The following KCNH2 variants were observed in gnomAD, a reference collection of about 807,000 sequenced individuals.
KCNH2 encodes the protein voltage-gated inwardly rectifying potassium channel KCNH2.
A neutral mutation model predicts 95.9 loss-of-function variants in KCNH2; 35 were observed. The observed-to-expected ratio is 0.37, with a 90% confidence interval of 0.28 to 0.48. KCNH2 has a LOEUF of 0.48. Among genes scored for constraint, KCNH2 ranks in the 20% least tolerant of loss-of-function variants. KCNH2 has a pLI of 0.99. For synonymous variants in KCNH2, 786 were observed against 754.7 expected, an observed-to-expected ratio of 1.04 and a Z score of -0.68; for missense variants, 1,274 against 1,702.9, an observed-to-expected ratio of 0.75 and a Z score of 4.43.
rs2116920586 is a variant in KCNH2, at chr7:150,946,111, G to C, written c.3331-597C>G. Among the ~76,000 whole-genome samples the C allele has an allele frequency of 6.6e-6, 1 of 152,270 alleles. No homozygotes were observed. The highest frequency in any genetic ancestry group is 2.1e-4 in the South Asian group (1 of 4,828). On this transcript the variant is annotated intron_variant, in intron 14 of 14. Coordinates refer to ENST00000262186, the MANE Select transcript of KCNH2 (RefSeq NM_000238.4). This position sits in a 1 kb window ranked among gnomAD's most constrained non-coding sequence, Gnocchi z 6.5. ...GCAAACAGGAGCAGGCAGCATATGG[G>C]AGGGGGGAGCGGATGCCAAGGGAAG...
Position 150,957,507 on chromosome 7 carries a change from G to T in KCNH2, c.917-5C>A. ...TGCGCAGTGGGTGCATGGCCCCTAG[G>T]TGGAGAGGCAGCGTGGTCAGGCCAG... On this transcript the variant is annotated splice_region_variant and splice_polypyrimidine_tract_variant and intron_variant, in intron 4 of 14. Coordinates refer to ENST00000262186, the MANE Select transcript of KCNH2 (RefSeq NM_000238.4). The T allele has an allele frequency of 1.9e-6, 3 of 1,606,208 alleles. No individual in the cohort carries two copies. The highest frequency in any genetic ancestry group is 2.5e-6 in the Non-Finnish European group (3 of 1,178,048).
intron 2 of KCNH2, among the ~76,000 whole-genome samples, chr7:150,972,164 G>T (rs1316811632): frequency 6.6e-6 from 1 of 152,216 alleles, no homozygotes; most frequent in African/African-American, 2.4e-5. Context: ...GGGCTGTCTG[G>T]CTCCAGGCCC....
intron 6 of KCNH2, 62 bp from the exon 7 acceptor site, chr7:150,951,897 G>A: frequency 2.0e-6 from 3 of 1,468,168 alleles, no homozygotes; most frequent in Non-Finnish European, 2.7e-6. Flanking sequence ...GAGGAGGGGA[G>A]GTGCTGCGGC....
intron 9 of KCNH2, 71 bp from the exon 10 acceptor site, chr7:150,949,120 G>A (rs1031870843): frequency 4.8e-5 from 68 of 1,416,896 alleles, no homozygotes; most frequent in African/African-American, 8.5e-5. Context: ...ACCTTCTCCC[G>A]GCATCCCCAC....
chr7:150,974,611 G>GCCCCCCCCCCCCCCCCCCCCCCCC, intron 2 of KCNH2, 100 bp downstream of exon 2: 5 of 795,738 alleles, frequency 6.3e-6, no homozygotes, highest in South Asian at 1.7e-5. Flanking sequence ...TTCTCCAGCC[G>GCCCCCCCCCCCCCCCCCCCCCCCC]CCCCCACACC....
intron 1 of KCNH2, 148 bp downstream of exon 1, chr7:150,977,690 G>T (rs1210918761): frequency 1.4e-5 from 4 of 284,862 alleles, no homozygotes; most frequent in Non-Finnish European, 2.3e-5. Flanking sequence ...TGCCCCCGCC[G>T]TCCCCTCGCC....
At chr7:150,970,073 A>C (rs1368072065) in intron 2 of KCNH2, among the ~76,000 whole-genome samples, 1 of 152,046 alleles carries the variant, frequency 6.6e-6, no homozygotes, top group African/African-American at 2.4e-5. Context: ...CTGTCTCTAT[A>C]CTGGGAGGGG....
Position 150,977,988 on chromosome 7 carries a change from G to C in KCNH2, c.-75C>G, listed in dbSNP as rs1290034490. The stretch of plus-strand genomic sequence containing the variant: ...CCGGCCCAGCACTAGGCTTCGGGTG[G>C]CCCGGCCGGGCCGTGGTCCCCGCAC... On this transcript the variant is annotated 5_prime_UTR_variant, in exon 1 of 15. Coordinates refer to ENST00000262186, the MANE Select transcript of KCNH2 (RefSeq NM_000238.4). 1.3e-6 allele frequency: 1 copy of C among 747,884 alleles called. No homozygotes were observed. Among genetic ancestry groups the C allele is most frequent in the Admixed American group, 4.6e-5 (1 of 21,750 alleles). 46.3% of individuals were successfully genotyped at this position (747,884 alleles called of 1,614,324 possible).
intron 3 of KCNH2, 113 bp downstream of exon 3, chr7:150,959,459 C>T (rs1801490953): frequency 7.5e-7 from 1 of 1,326,556 alleles, no homozygotes; most frequent in South Asian, 1.4e-5. Flanking sequence ...GGGGGACCCC[C>T]CACCCAACCA....
chr7:150,952,870 C>A lies in KCNH2; in HGVS notation c.1129-17G>T. The A allele has an allele frequency of 6.2e-7, 1 of 1,610,928 alleles. No homozygotes were observed. Among genetic ancestry groups the A allele is most frequent in the Non-Finnish European group, 8.5e-7 (1 of 1,179,812 alleles). ...GGACAGGACCTGCACCCGGGGAAGG[C>A]GGAGGTGTGGGTGAGGCAGGCCATG... On this transcript the variant is annotated splice_polypyrimidine_tract_variant and intron_variant, in intron 5 of 14. Coordinates refer to ENST00000262186, the MANE Select transcript of KCNH2 (RefSeq NM_000238.4). This position sits in a 1 kb window ranked among gnomAD's most constrained non-coding sequence, Gnocchi z 7.3.
intron 2 of KCNH2, among the ~76,000 whole-genome samples, chr7:150,960,010 C>T (rs906265544): frequency 1.3e-5 from 2 of 152,220 alleles, no homozygotes; most frequent in African/African-American, 2.4e-5. Flanking sequence ...CCCGGCTGCA[C>T]TTTTTCTCAC....
chr7:150,972,692 G>C (rs1048292286), intron 2 of KCNH2, among the ~76,000 whole-genome samples: 1 of 152,198 alleles, frequency 6.6e-6, no homozygotes, highest in Non-Finnish European at 1.5e-5. Flanking sequence ...GTTTGAACTT[G>C]GGCTGGGGAT....
Position 150,951,089 on chromosome 7 carries a change from C to T in KCNH2, c.1977G>A (p.Val659=). 1.9e-6 allele frequency: 3 copies of T among 1,612,672 alleles called. No individual in the cohort carries two copies. Among genetic ancestry groups the T allele is most frequent in the Non-Finnish European group, 2.5e-6 (3 of 1,179,210 alleles). The change falls in exon 8 of 15, where the codon GTG becomes GTA. Residue 659 remains valine, a synonymous_variant. Coordinates refer to ENST00000262186, the MANE Select transcript of KCNH2 (RefSeq NM_000238.4). ...AGTACAGCCGCTGGATGATGGCCGA[C>T]ACGTTGCCGAAGATGCTAGCATACA... ...SLMYASIFGN[V]SAIIQRLYSG... is the part of the protein sequence containing the mutation.
intron 2 of KCNH2, among the ~76,000 whole-genome samples, chr7:150,963,872 T>C (rs1801633371): frequency 6.6e-6 from 1 of 152,148 alleles, no homozygotes; most frequent in African/African-American, 2.4e-5. Context: ...CTGGACACAT[T>C]CCCAGAGTGG....
chr7:150,968,037 C>A (rs910624192), intron 2 of KCNH2, among the ~76,000 whole-genome samples: 1 of 152,238 alleles, frequency 6.6e-6, no homozygotes, highest in African/African-American at 2.4e-5. Context: ...AAGAGATGCT[C>A]AGACTCAACA....
chr7:150,954,713 G>A (rs1193015413), intron 5 of KCNH2, among the ~76,000 whole-genome samples: 1 of 152,176 alleles, frequency 6.6e-6, no homozygotes, highest in Non-Finnish European at 1.5e-5. Context: ...GGCAGGGATG[G>A]GATTCCCAGA....
chr7:150,951,741 A>G lies in KCNH2; in HGVS notation c.1652T>C (p.Phe551Ser), dbSNP rs1057524535. Residue 551 changes from phenylalanine (F) to serine (S), a missense_variant, in exon 7 of 15, where the codon TTC becomes TCC. Around this residue, in one of 7 missense-constraint regions of KCNH2, gnomAD observed 147 missense variants for 344.4 expected, o/e 0.43. Transcript: ENST00000262186. ...GAGCGCAAAGGTGCACATGAGCAAG[A>G]ACAGCACGGCCGCGCCGTACTCTGA... Reference protein sequence around the residue: ...RYSEYGAAVLFLLMCTFALIA... With the variant: ...RYSEYGAAVLSLLMCTFALIA... The G allele has an allele frequency of 6.2e-7, 1 of 1,611,992 alleles. No homozygotes were observed. The highest frequency in any genetic ancestry group is 8.5e-7 in the Non-Finnish European group (1 of 1,178,162).
At chr7:150,955,804 C>CGGAA (rs1366299412) in intron 5 of KCNH2, 1 of 1,154,432 alleles carries the variant, frequency 8.7e-7, no homozygotes, top group Non-Finnish European at 1.1e-6. Context: ...CGGCCGCACT[C>CGGAA]GGAACCTCAG....
chr7:150,946,653 C>T lies in KCNH2; in HGVS notation c.3330+224G>A, dbSNP rs527502531. ...CCACTTAGCCTACAGGTTCCCTGCA[C>T]CCAGCTGTCTAGGGGCTTTGGACGG... On this transcript the variant is annotated intron_variant, in intron 14 of 14. Transcript: ENST00000262186. The surrounding 1 kb of genome is among the most constrained non-coding windows in gnomAD (Gnocchi z 6.5). Among the ~76,000 whole-genome samples the T allele has an allele frequency of 1.3e-5, 2 of 152,274 alleles. No homozygotes were observed. The highest frequency in any genetic ancestry group is 4.1e-4 in the South Asian group (2 of 4,826).
Sources: gnomAD v4.1 joint callset for allele counts (sites outside exome capture counted in the v4.1 genomes callset) on GRCh38, gnomAD v4.1.1 for gene constraint, gnomAD v4.1.1 regional missense constraint, Gnocchi (gnomAD v3.1) non-coding constraint, MANE v1.5 for transcripts, NCBI Gene and HGNC (gene_info 2026-07-23, HGNC 2026-07-21) for gene names.